Variants in BCR observed in about 807,000 individuals in gnomAD.
The protein encoded by BCR is BCR activator of RhoGEF and GTPase.
In BCR, 58 loss-of-function variants were observed where a neutral mutation model predicts 138.6. The ratio of observed to expected loss-of-function variants is 0.42; its 90% CI spans 0.34 to 0.52. The LOEUF is 0.52. Ranked by LOEUF, BCR falls within the 20% of genes least tolerant of loss-of-function variation. The pLI is 0.06. For synonymous variants in BCR, 786 were observed against 730.1 expected (o/e 1.08, Z -1.23); for missense variants, 1,599 against 1,727.2 (o/e 0.93, Z 1.32).
Position 23,253,980 on chromosome 22 carries a change from G to C in BCR, c.1461G>C (p.Ala487=). The C allele has an allele frequency of 6.2e-7, 1 of 1,610,786 alleles. No individual in the cohort carries two copies. The highest frequency in any genetic ancestry group is 8.5e-7 in the Non-Finnish European group (1 of 1,178,860). ...LVSGALESTK[A]SELDLEKGLE... ...CGGGAGCCCTGGAGTCCACTAAAGC[G>C]GTGAGTCCCCATGGTGTACGTGTGG... The change falls in exon 2 of 23, where the codon GCG becomes GCC. Residue 487 remains alanine (A), a splice_region_variant and synonymous_variant. Coordinates refer to ENST00000305877, the MANE Select transcript of BCR (RefSeq NM_004327.4).
intron 1 of BCR, among the ~76,000 whole-genome samples, chr22:23,240,897 A>G (rs2073082554): frequency 6.6e-6 from 1 of 151,200 alleles, no homozygotes; most frequent in Non-Finnish European, 1.5e-5. Flanking sequence ...GAATTTGACT[A>G]CTCTAGGAAC....
intron 1 of BCR, among the ~76,000 whole-genome samples, chr22:23,225,739 C>T (rs1444841489): frequency 2.6e-5 from 4 of 152,214 alleles, no homozygotes; most frequent in South Asian, 2.1e-4. Flanking sequence ...CTGTGCTTCT[C>T]CTGCATCCCA....
At chr22:23,191,929 C>A (rs2072420381) in intron 1 of BCR, among the ~76,000 whole-genome samples, 1 of 152,186 alleles carries the variant, frequency 6.6e-6, no homozygotes, top group South Asian at 2.1e-4. Context: ...CTCCCTGGCT[C>A]ACCCTTAGAG....
chr22:23,268,730 G>A (rs1020772164), intron 5 of BCR, among the ~76,000 whole-genome samples: 1 of 152,208 alleles, frequency 6.6e-6, no homozygotes, highest in African/African-American at 2.4e-5. Context: ...CCCCGGGGGC[G>A]AGGGCCTGAT....
intron 8 of BCR, 116 bp from the exon 9 acceptor site, chr22:23,283,861 C>G: frequency 2.2e-6 from 3 of 1,366,116 alleles, no homozygotes; most frequent in Non-Finnish European, 9.7e-7. Flanking sequence ...GGAGTGAAAT[C>G]TTCCCAGGGA....
chr22:23,283,519 T>C (rs560761445), intron 8 of BCR: 1 of 165,964 alleles, frequency 6.0e-6, no homozygotes, highest in African/African-American at 2.4e-5. Context: ...ATGGTCCCTC[T>C]ACAGAAATAC....
chr22:23,287,427 C>T, intron 11 of BCR, 149 bp downstream of exon 11: 2 of 1,327,968 alleles, frequency 1.5e-6, no homozygotes, highest in South Asian at 3.1e-5. Context: ...ATTCCTTTGT[C>T]TGGGGCTTTG....
rs369007084 is a variant in BCR at position 23,274,182 on chromosome 22, A to G, written c.2115+408A>G. Among the ~76,000 whole-genome samples, 19 of 152,226 alleles carry G rather than the reference A, an allele frequency of 1.2e-4. No homozygotes were observed. The South Asian group carries it at 1.9e-3, about 15-fold the overall frequency. On this transcript the variant is annotated intron_variant, in intron 8 of 22. Coordinates refer to ENST00000305877, the MANE Select transcript of BCR (RefSeq NM_004327.4). ...CTCCTACTTCCCCCTGAGTGCTTTC[A>G]TTAAAAAACAGTTAACATCGGGTTT... is the stretch of plus-strand genomic sequence containing the variant.
At chr22:23,314,797 C>G in intron 22 of BCR, 83 bp downstream of exon 22, 1 of 1,518,452 alleles carries the variant, frequency 6.6e-7, no homozygotes, top group Non-Finnish European at 9.1e-7. Context: ...TCCTGCCCAT[C>G]TTCTTACTTG....
intron 1 of BCR, among the ~76,000 whole-genome samples, chr22:23,185,555 C>T (rs2072329967): frequency 6.6e-6 from 1 of 151,536 alleles, no homozygotes; most frequent in Non-Finnish European, 1.5e-5. Flanking sequence ...GTCCCAGCTA[C>T]TCGGGAGGCT....
intron 1 of BCR, among the ~76,000 whole-genome samples, chr22:23,252,713 G>A (rs2073244931): frequency 6.6e-6 from 1 of 152,122 alleles, no homozygotes; most frequent in Non-Finnish European, 1.5e-5. Flanking sequence ...TTACAGGCAT[G>A]AGCCACTGTG....
intron 1 of BCR, among the ~76,000 whole-genome samples, chr22:23,224,385 C>G (rs2072864072): frequency 6.6e-6 from 1 of 152,186 alleles, no homozygotes; most frequent in African/African-American, 2.4e-5. Flanking sequence ...AAGCTCAGCT[C>G]TCACTTGTGC....
At chr22:23,229,750 C>G (rs756651786) in intron 1 of BCR, among the ~76,000 whole-genome samples, 19 of 152,354 alleles carry the variant, frequency 1.2e-4, no homozygotes, top group Non-Finnish European at 2.5e-4. Context: ...CCTATACTCT[C>G]TACTTCCCCA....
intron 4 of BCR, among the ~76,000 whole-genome samples, chr22:23,268,183 C>G (rs192254280): frequency 7.2e-5 from 11 of 152,298 alleles, no homozygotes; most frequent in Middle Eastern, 3.4e-3. Context: ...TGCCTGGCGC[C>G]GTGAGTCACT....
intron 1 of BCR, chr22:23,198,352 G>C (rs1016424760): frequency 2.2e-6 from 1 of 446,800 alleles, no homozygotes; most frequent in Non-Finnish European, 4.3e-6. Context: ...TGGAGTCCCA[G>C]GGGGAGATTA....
chr22:23,242,947 A>G (rs1347690579), intron 1 of BCR: 7 of 454,144 alleles, frequency 1.5e-5, no homozygotes, highest in South Asian at 1.1e-4. Context: ...TGGTGACAAC[A>G]TCTCTCCAGT....
rs371457375 is a variant in BCR at position 23,284,990 on chromosome 22, A to C, written c.2238-43A>C. 2.5e-6 allele frequency: 4 copies of C among 1,590,186 alleles called. No individual in the cohort carries two copies. In the African/African-American group the frequency reaches 5.4e-5, roughly 21 times the overall value. ...TGACAGCAGTGACATCAGCCATAGA[A>C]GGCAGTCGGTGCATGTGAACGTTCT... is the stretch of plus-strand genomic sequence containing the variant. On this transcript the variant is annotated intron_variant, in intron 9 of 22. Coordinates refer to ENST00000305877, the MANE Select transcript of BCR (RefSeq NM_004327.4).
At chr22:23,253,149 G>T (rs1391047561) in intron 1 of BCR, among the ~76,000 whole-genome samples, 1 of 152,176 alleles carries the variant, frequency 6.6e-6, no homozygotes, top group Non-Finnish European at 1.5e-5. Context: ...TATGGAGGAG[G>T]TGCACAGAGG....
At chr22:23,219,720 T>C (rs2072800941) in intron 1 of BCR, among the ~76,000 whole-genome samples, 1 of 151,362 alleles carries the variant, frequency 6.6e-6, no homozygotes, top group South Asian at 2.1e-4. Context: ...CTGCACCCCC[T>C]CTCCTTGCCT....
Sources: allele counts gnomAD v4.1 joint callset (sites outside exome capture counted in the v4.1 genomes callset), GRCh38; gene constraint gnomAD v4.1.1; transcripts MANE v1.5; gene names NCBI Gene and HGNC (gene_info 2026-07-23, HGNC 2026-07-21).